The following ALDH9A1 variants were observed in gnomAD, a reference collection of about 807,000 sequenced individuals.
The protein encoded by ALDH9A1 is aldehyde dehydrogenase 9 family member A1.
Under a neutral mutation model 56.6 loss-of-function variants are expected in ALDH9A1, and 42 were observed. That is an observed-to-expected ratio of 0.74 (90% CI 0.58 to 0.96). ALDH9A1 has a LOEUF of 0.96. ALDH9A1 is among the 40% of genes least tolerant of loss of function. ALDH9A1 has a pLI of 0.00. For missense variants in ALDH9A1, 661 were observed against 651.5 expected (o/e 1.01, Z -0.16); for synonymous variants, 242 against 236.0 (o/e 1.03, Z -0.23).
At chr1:165,666,388 G>T (rs1324040018) in intron 9 of ALDH9A1, among the ~76,000 whole-genome samples, 3 of 152,162 alleles carry the variant, frequency 2.0e-5, no homozygotes, top group African/African-American at 7.2e-5. Context: ...CTTTAAGTGG[G>T]TGAATTGTAC....
At chr1:165,677,133 G>A (rs2101744166) in intron 6 of ALDH9A1, among the ~76,000 whole-genome samples, 1 of 152,292 alleles carries the variant, frequency 6.6e-6, no homozygotes, top group Non-Finnish European at 1.5e-5. Flanking sequence ...AGCACTTTGG[G>A]AGGCCGAGGC....
chr1:165,672,377 A>G (rs1477278431), intron 6 of ALDH9A1, among the ~76,000 whole-genome samples: 1 of 152,200 alleles, frequency 6.6e-6, no homozygotes. Context: ...GAACCTGAAG[A>G]TATTATACTA....
At chr1:165,679,728 T>C (rs1232321883) in intron 5 of ALDH9A1, 146 bp from the exon 6 acceptor site, 3 of 840,716 alleles carry the variant, frequency 3.6e-6, no homozygotes, top group Admixed American at 2.4e-5. Context: ...CTTTTGGCTA[T>C]TAAAATATTC....
intron 6 of ALDH9A1, among the ~76,000 whole-genome samples, chr1:165,672,945 AAAAAAAT>A (rs907107320): frequency 7.0e-6 from 1 of 143,342 alleles, no homozygotes; most frequent in African/African-American, 2.6e-5. Flanking sequence ...TCCAAAAAAT[AAAAAAAT>A]AAAAAATAAA....
chr1:165,690,927 T>C (rs1325521032), intron 2 of ALDH9A1, among the ~76,000 whole-genome samples: 1 of 152,226 alleles, frequency 6.6e-6, no homozygotes, highest in East Asian at 1.9e-4. Flanking sequence ...ACTGCACCTC[T>C]GGCGGCAGGG....
Position 165,680,471 on chromosome 1 carries a change from C to G in ALDH9A1, c.789+16G>C, listed in dbSNP as rs1207068068. The G allele has an allele frequency of 6.2e-7, 1 of 1,612,916 alleles. No homozygotes were observed. Among genetic ancestry groups the G allele is most frequent in the Non-Finnish European group, 8.5e-7 (1 of 1,179,714 alleles). On this transcript the variant is annotated intron_variant, in intron 5 of 10. Transcript: ENST00000354775. ...CAAATGCCATGTGTGTTGACCAATA[C>G]TGGTTTTGTCCTCACCTTCATGCCA...
Position 165,674,315 on chromosome 1 carries a change from T to TA in ALDH9A1, c.931-4866dup, listed in dbSNP as rs56088658. The stretch of plus-strand genomic sequence containing the variant: ...ACTTTCTTAATAAACTTCCTTTCAC[T>TA]AAAAAAAAAAAAAAAAAAAAAAAAA... On this transcript the variant is annotated intron_variant, in intron 6 of 10. Coordinates refer to ENST00000354775, the MANE Select transcript of ALDH9A1 (RefSeq NM_000696.4). Among the ~76,000 whole-genome samples, 403 of 58,092 alleles carry TA rather than the reference T, an allele frequency of 6.9e-3. 9 individuals carry two copies. Among genetic ancestry groups the TA allele is most frequent in the African/African-American group, 0.02 (316 of 16,136 alleles). The allele number at this position is 58,092 out of a possible 152,430, so 38.1% of individuals were successfully genotyped here.
At chr1:165,690,224 T>C (rs1463219602) in intron 2 of ALDH9A1, among the ~76,000 whole-genome samples, 4 of 150,608 alleles carry the variant, frequency 2.7e-5, no homozygotes, top group Non-Finnish European at 5.9e-5. Context: ...TGTATATGTA[T>C]GTAATATATA....
In ALDH9A1 at chr1:165,662,221, T is replaced by A. The variant is rs1276241392; in HGVS notation, c.*829A>T. On this transcript the variant is annotated 3_prime_UTR_variant, in exon 11 of 11. Coordinates refer to ENST00000354775, the MANE Select transcript of ALDH9A1 (RefSeq NM_000696.4). The stretch of plus-strand genomic sequence containing the variant: ...GTTTCAAAACACGATAGGAAAACAA[T>A]TAACAGTGTGATTTATTTTAATTTC... 1 of 152,212 alleles carries A rather than the reference T, an allele frequency of 6.6e-6. No individual in the cohort carries two copies. The highest frequency in any genetic ancestry group is 1.9e-4 in the East Asian group (1 of 5,204). The allele number at this position is 152,212 out of a possible 1,614,324, so 9.4% of individuals were successfully genotyped here.
chr1:165,689,442 AT>A (rs1321681535), intron 2 of ALDH9A1, among the ~76,000 whole-genome samples: 1 of 152,148 alleles, frequency 6.6e-6, no homozygotes, highest in Admixed American at 6.5e-5. Flanking sequence ...AACCCTGGAG[AT>A]TTGCTTAATA....
intron 1 of ALDH9A1, 138 bp downstream of exon 1, chr1:165,698,238 TAC>T: frequency 7.2e-7 from 1 of 1,392,558 alleles, no homozygotes. Flanking sequence ...GCTAGTTGCC[TAC>T]ACACACAACC....
chr1:165,663,079 CCA>C lies in ALDH9A1; in HGVS notation c.1526_1527del (p.Val509GlyfsTer4), dbSNP rs1363723464. 3 of 1,613,944 alleles carry C rather than the reference CCA, an allele frequency of 1.9e-6. No homozygotes were observed. The highest frequency in any genetic ancestry group is 2.2e-5 in the East Asian group (1 of 44,898). On this transcript the variant is annotated frameshift_variant, in exon 11 of 11. Coordinates refer to ENST00000354775, the MANE Select transcript of ALDH9A1 (RefSeq NM_000696.4). LOFTEE classifies it high-confidence loss of function. The part of the protein sequence containing the change: ...EYYSQLKTVC[V>X]EMGDVESAF ...AAAGCAGATTCCACATCACCCATCT[CCA>C]CACACACAGTCTTCAGCTGTGAATA... is the stretch of plus-strand genomic sequence containing the variant.
chr1:165,693,866 C>G (rs2101758722), intron 2 of ALDH9A1, among the ~76,000 whole-genome samples: 1 of 152,206 alleles, frequency 6.6e-6, no homozygotes, highest in Non-Finnish European at 1.5e-5. Context: ...ACATATATAC[C>G]ATGGAATACT....
intron 9 of ALDH9A1, among the ~76,000 whole-genome samples, chr1:165,666,457 C>T (rs1558001498): frequency 6.6e-6 from 1 of 152,134 alleles, no homozygotes; most frequent in Non-Finnish European, 1.5e-5. Context: ...ATTGGAGTTA[C>T]CCGCCTTTGT....
intron 6 of ALDH9A1, 81 bp from the exon 7 acceptor site, chr1:165,669,531 A>G: frequency 8.0e-7 from 1 of 1,255,864 alleles, no homozygotes; most frequent in Non-Finnish European, 1.1e-6. Context: ...CAATCTAAAA[A>G]CTTTAAACTG....
chr1:165,690,222 T>TA (rs1181030401), intron 2 of ALDH9A1, among the ~76,000 whole-genome samples: 2 of 150,558 alleles, frequency 1.3e-5, no homozygotes, highest in East Asian at 3.9e-4. Flanking sequence ...TATGTATATG[T>TA]ATGTAATATA....
chr1:165,671,554 G>A, intron 6 of ALDH9A1: 1 of 450,410 alleles, frequency 2.2e-6, no homozygotes, highest in South Asian at 1.7e-5. Flanking sequence ...ATTTAATTAA[G>A]GCAGCAGTTG....
chr1:165,677,328 C>T (rs769583209), intron 6 of ALDH9A1, among the ~76,000 whole-genome samples: 2 of 152,136 alleles, frequency 1.3e-5, no homozygotes, highest in African/African-American at 2.4e-5. Context: ...CACTGCACTC[C>T]GGCCTGGGCA....
Position 165,669,303 on chromosome 1 carries a change from G to A in ALDH9A1, c.1078C>T (p.Leu360=). The part of the protein sequence containing the change: ...RMGPLINRPH[L]ERVLGFVKVA... ...TTGACAAACCCAAGGACTCGCTCCA[G>A]GTGTGGTCGGTTGATGAGTGGACCC... Residue 360 remains leucine, a synonymous_variant, in exon 7 of 11, where the codon CTG becomes TTG. Coordinates refer to ENST00000354775, the MANE Select transcript of ALDH9A1 (RefSeq NM_000696.4). 6.2e-7 allele frequency: 1 copy of A among 1,613,220 alleles called. No homozygotes were observed. Among genetic ancestry groups the A allele is most frequent in the African/African-American group, 1.3e-5 (1 of 74,982 alleles).
Sources: gnomAD v4.1 joint callset for allele counts (sites outside exome capture counted in the v4.1 genomes callset) on GRCh38, gnomAD v4.1.1 for gene constraint, MANE v1.5 for transcripts, NCBI Gene and HGNC (gene_info 2026-07-23, HGNC 2026-07-21) for gene names.